SLC4A5: variants seen among roughly 807,000 people sequenced by gnomAD.
The protein encoded by SLC4A5 is solute carrier family 4 member 5.
SLC4A5 carries 96 observed loss-of-function variants against 120.4 expected under a neutral mutation model. That is an observed-to-expected ratio of 0.80 (90% CI 0.68 to 0.94). The LOEUF is 0.94. SLC4A5 is among the 40% of genes least tolerant of loss of function. The probability of loss-of-function intolerance (pLI) is 0.00; values close to 1 mark genes in which losing one functional copy is unlikely to be tolerated. For synonymous variants in SLC4A5, 550 were observed against 571.1 expected (o/e 0.96, Z 0.53); for missense variants, 1,259 against 1,459.5 (o/e 0.86, Z 2.24).
chr2:74,317,610 G>T (rs1251430477), intron 5 of SLC4A5, among the ~76,000 whole-genome samples: 1 of 152,180 alleles, frequency 6.6e-6, no homozygotes, highest in Admixed American at 6.5e-5. Context: ...CCCTGTAGGA[G>T]ACTAAAGCCA....
chr2:74,282,457 T>C lies in SLC4A5; in HGVS notation c.401+3316A>G, dbSNP rs375425880. Among the ~76,000 whole-genome samples, 59 of 152,384 alleles carry C rather than the reference T, an allele frequency of 3.9e-4. 2 individuals carry two copies. In the South Asian group the frequency reaches 0.012, roughly 32 times the overall value. ...GAGCCAGGTTATCCTGAGGTCCTGA[T>C]GGCCTTTCTTCCAGGACCTCCTCAG... On this transcript the variant is annotated intron_variant, in intron 8 of 30. Coordinates refer to ENST00000394019, the Ensembl canonical transcript of SLC4A5.
intron 5 of SLC4A5, among the ~76,000 whole-genome samples, chr2:74,317,687 T>A (rs2104305978): frequency 6.6e-6 from 1 of 152,320 alleles, no homozygotes; most frequent in East Asian, 1.9e-4. Context: ...AAAAAGGAGT[T>A]AAGTAAATGC....
intron 17 of SLC4A5, among the ~76,000 whole-genome samples, chr2:74,249,287 T>C (rs1385210453): frequency 1.3e-5 from 2 of 152,090 alleles, no homozygotes; most frequent in East Asian, 3.9e-4. Flanking sequence ...AAGGCCTCCC[T>C]AGAAGTAGAT....
intron 6 of SLC4A5, among the ~76,000 whole-genome samples, chr2:74,313,270 A>G (rs1672864970): frequency 6.6e-6 from 1 of 152,060 alleles, no homozygotes. Context: ...AAAAAATTCT[A>G]GTGTTTGCCC....
Position 74,253,062 on chromosome 2 carries a change from GA to G in SLC4A5, c.1179del (p.Leu394TrpfsTer36). 1 of 1,614,196 alleles carries G rather than the reference GA, an allele frequency of 6.2e-7. No homozygotes were observed. The highest frequency in any genetic ancestry group is 8.5e-7 in the Non-Finnish European group (1 of 1,180,048). On this transcript the variant is annotated frameshift_variant, in exon 15 of 31. Coordinates refer to ENST00000394019, the Ensembl canonical transcript of SLC4A5. LOFTEE classifies it high-confidence loss of function. ...GGAGGAAGGACGATGACCTCATCCA[GA>G]AATTCATCAATTCCTGCGATCAGAT...
At chr2:74,250,433 G>T (rs775441387) in exon 17 of SLC4A5, 4 of 1,614,170 alleles carry the variant, frequency 2.5e-6, no homozygotes, top group Non-Finnish European at 3.4e-6. Flanking sequence ...TGGCAGAGAT[G>T]GACTGAATGT....
At chr2:74,304,772 C>T in intron 6 of SLC4A5, 92 bp from the exon 7 acceptor site, 1 of 1,313,778 alleles carries the variant, frequency 7.6e-7, no homozygotes, top group Admixed American at 2.4e-5. Flanking sequence ...GATTGGGCTG[C>T]AGAAGCAAAA....
chr2:74,331,459 GA>G (rs1673365408), intron 4 of SLC4A5, among the ~76,000 whole-genome samples: 1 of 151,766 alleles, frequency 6.6e-6, no homozygotes. Context: ...ATGAAGGAAG[GA>G]GTTAGAAGGC....
chr2:74,241,266 A>ATTATTATT (rs1389218260), intron 20 of SLC4A5, among the ~76,000 whole-genome samples: 3 of 148,868 alleles, frequency 2.0e-5, no homozygotes, highest in African/African-American at 7.4e-5. Flanking sequence ...TATTATTATT[A>ATTATTATT]TTATTATTAT....
intron 8 of SLC4A5, among the ~76,000 whole-genome samples, chr2:74,281,328 C>T (rs566654149): frequency 3.6e-4 from 55 of 152,350 alleles, no homozygotes; most frequent in Admixed American, 2.5e-3. Context: ...CCAAAGGGCC[C>T]TCCACACTTG....
chr2:74,296,327 AATG>A (rs1672324388), intron 7 of SLC4A5, among the ~76,000 whole-genome samples: 1 of 152,008 alleles, frequency 6.6e-6, no homozygotes, highest in Non-Finnish European at 1.5e-5. Context: ...AAAGGTCTAG[AATG>A]ATCTTTATCC....
intron 6 of SLC4A5, among the ~76,000 whole-genome samples, chr2:74,308,525 G>C (rs529469646): frequency 6.6e-6 from 1 of 152,270 alleles, no homozygotes; most frequent in South Asian, 2.1e-4. Context: ...TATCTTCTTT[G>C]ATGAGGTGTT....
chr2:74,300,501 A>G (rs1361848801), intron 7 of SLC4A5, among the ~76,000 whole-genome samples: 1 of 152,218 alleles, frequency 6.6e-6, no homozygotes, highest in African/African-American at 2.4e-5. Flanking sequence ...AGAGAAATGT[A>G]TGAATTTCCT....
chr2:74,243,695 C>A (rs1346959295), intron 19 of SLC4A5, among the ~76,000 whole-genome samples: 2 of 152,196 alleles, frequency 1.3e-5, no homozygotes, highest in African/African-American at 4.8e-5. Context: ...GTCTTCAGAC[C>A]ACCTTTGATG....
At chr2:74,299,898 T>C (rs1461586222) in intron 7 of SLC4A5, among the ~76,000 whole-genome samples, 2 of 152,192 alleles carry the variant, frequency 1.3e-5, no homozygotes, top group Non-Finnish European at 2.9e-5. Flanking sequence ...AATCAGTATC[T>C]TGAAAAGATA....
chr2:74,235,771 C>T (rs568676894), intron 21 of SLC4A5, among the ~76,000 whole-genome samples: 1 of 152,154 alleles, frequency 6.6e-6, no homozygotes, highest in South Asian at 2.1e-4. Context: ...TCTCAAGAGG[C>T]CCTTCCTAGG....
intron 8 of SLC4A5, among the ~76,000 whole-genome samples, chr2:74,272,294 C>T (rs1671498163): frequency 6.6e-6 from 1 of 152,128 alleles, no homozygotes; most frequent in South Asian, 2.1e-4. Context: ...CTGCTATATA[C>T]TACTTTTGTA....
chr2:74,334,496 C>A (rs1232070958), intron 3 of SLC4A5, among the ~76,000 whole-genome samples: 1 of 152,218 alleles, frequency 6.6e-6, no homozygotes, highest in Non-Finnish European at 1.5e-5. Flanking sequence ...CTTCCCTGAC[C>A]AGCCCATCTA....
At chr2:74,241,827 A>T (rs746807342) in intron 20 of SLC4A5, among the ~76,000 whole-genome samples, 167 bp downstream of exon 20, 21 of 152,222 alleles carry the variant, frequency 1.4e-4, no homozygotes, top group African/African-American at 4.8e-4. Context: ...TATATACCTA[A>T]GAAAAAAGTG....
Sources: gnomAD v4.1 joint callset for allele counts (sites outside exome capture counted in the v4.1 genomes callset) on GRCh38, gnomAD v4.1.1 for gene constraint, MANE v1.5 for transcripts, NCBI Gene and HGNC (gene_info 2026-07-23, HGNC 2026-07-21) for gene names.